The following ANAPC4 variants were observed in gnomAD, a reference collection of about 807,000 sequenced individuals.
ANAPC4 encodes anaphase promoting complex subunit 4.
A neutral mutation model predicts 119.8 loss-of-function variants in ANAPC4; 63 were observed. The ratio of observed to expected loss-of-function variants is 0.53; its 90% CI spans 0.43 to 0.65. The LOEUF (loss-of-function observed/expected upper bound fraction) is 0.65, where lower values mean the gene tolerates loss of function less well. Ranked by LOEUF, ANAPC4 falls within the 30% of genes least tolerant of loss-of-function variation. ANAPC4 has a pLI of 0.00. For missense variants in ANAPC4, 716 were observed against 945.1 expected (o/e 0.76, Z 3.18); for synonymous variants, 283 against 318.6 (o/e 0.89, Z 1.19).
In ANAPC4 at chr4:25,417,710, G is replaced by A; in HGVS notation, c.2170G>A (p.Gly724Arg). The change falls in exon 28 of 29, where the codon GGG becomes AGG. Residue 724 changes from glycine to arginine, a missense_variant. Coordinates refer to ENST00000315368, the MANE Select transcript of ANAPC4 (RefSeq NM_013367.3). Reference sequence around the variant, plus strand: ...AAGTATGAAAGCACAGTATGTTGCTGGGAATGGTTTTCGAAAAGTGTCCTG... The same window carrying A: ...AAGTATGAAAGCACAGTATGTTGCTAGGAATGGTTTTCGAAAAGTGTCCTG... ...LESMKAQYVAGNGFRKVSCVL... is the reference protein window; with the variant it reads ...LESMKAQYVARNGFRKVSCVL... The A allele has an allele frequency of 6.2e-7, 1 of 1,612,586 alleles. No homozygotes were observed. Among genetic ancestry groups the A allele is most frequent in the Non-Finnish European group, 8.5e-7 (1 of 1,179,550 alleles).
At chr4:25,412,480 G>C (rs553182501) in intron 21 of ANAPC4, among the ~76,000 whole-genome samples, 1 of 152,164 alleles carries the variant, frequency 6.6e-6, no homozygotes, top group Admixed American at 6.5e-5. Flanking sequence ...TGCCAGCCAA[G>C]AGTTGCCTCA....
At chr4:25,387,687 T>TTG (rs1722114586) in intron 4 of ANAPC4, among the ~76,000 whole-genome samples, 1 of 151,940 alleles carries the variant, frequency 6.6e-6, no homozygotes, top group Non-Finnish European at 1.5e-5. Context: ...CACCACTTTT[T>TTG]TACTTGCTTA....
intron 26 of ANAPC4, chr4:25,416,055 T>C (rs1434724190): frequency 5.9e-6 from 1 of 169,180 alleles, no homozygotes; most frequent in African/African-American, 2.4e-5. Flanking sequence ...CTATTTTTCA[T>C]GTGTAGTATC....
At chr4:25,388,644 A>C in intron 5 of ANAPC4, 70 bp downstream of exon 5, 1 of 1,558,280 alleles carries the variant, frequency 6.4e-7, no homozygotes, top group Non-Finnish European at 8.8e-7. Context: ...ACACTGTGAC[A>C]ATTTTCTCAT....
rs1722167030 is a variant in ANAPC4 at position 25,388,584 on chromosome 4, A to C, written c.443+10A>C. 3.8e-6 allele frequency: 6 copies of C among 1,591,028 alleles called. No individual in the cohort carries two copies. Among genetic ancestry groups the C allele is most frequent in the South Asian group, 1.1e-5 (1 of 89,328 alleles). The stretch of plus-strand genomic sequence containing the variant: ...CTACACTGCCAAAAAAGTATGTATC[A>C]CTGGTTTCTTTGAAATTAATCTTGC... On this transcript the variant is annotated intron_variant, in intron 5 of 28. Coordinates refer to ENST00000315368, the MANE Select transcript of ANAPC4 (RefSeq NM_013367.3).
At chr4:25,386,038 A>G (rs11937932) in intron 4 of ANAPC4, among the ~76,000 whole-genome samples, 65,735 of 151,684 alleles carry the variant, frequency 0.43, 15,822 homozygotes, top group Non-Finnish European at 0.53. Flanking sequence ...CTTAGCCTCG[A>G]GAGTAGCTGG....
intron 8 of ANAPC4, 141 bp from the exon 9 acceptor site, chr4:25,390,770 C>T: frequency 1.6e-6 from 1 of 620,650 alleles, no homozygotes; most frequent in Non-Finnish European, 2.8e-6. Flanking sequence ...CAGACACCTA[C>T]CTTCATCTGC....
At chr4:25,389,093 C>T (rs908815780) in intron 7 of ANAPC4, among the ~76,000 whole-genome samples, 4 of 151,772 alleles carry the variant, frequency 2.6e-5, no homozygotes, top group Non-Finnish European at 4.4e-5. Context: ...TGGGCACAAG[C>T]GATTCTCCTG....
rs1721655257 is a variant in ANAPC4 at position 25,380,496 on chromosome 4, A to C, written c.235+17A>C. 1 of 1,490,488 alleles carries C rather than the reference A, an allele frequency of 6.7e-7. No homozygotes were observed. Among genetic ancestry groups the C allele is most frequent in the South Asian group, 1.2e-5 (1 of 81,482 alleles). The allele number at this position is 1,490,488 out of a possible 1,614,324, so 92.3% of individuals were successfully genotyped here. On this transcript the variant is annotated intron_variant, in intron 3 of 28. Transcript: ENST00000315368. ...ATGGCAAACGTAATGATAATATTAC[A>C]AAAAAAATATGTTTTTATTTTCACA...
chr4:25,412,704 C>T (rs1723643661), intron 21 of ANAPC4, among the ~76,000 whole-genome samples: 1 of 151,476 alleles, frequency 6.6e-6, no homozygotes, highest in Admixed American at 6.6e-5. Flanking sequence ...TGAGCTGAGA[C>T]TGCACCACTG....
chr4:25,393,735 C>A, intron 10 of ANAPC4, 70 bp from the exon 11 acceptor site: 1 of 833,854 alleles, frequency 1.2e-6, no homozygotes. Flanking sequence ...TGATCATAAG[C>A]ACATATTATT....
intron 4 of ANAPC4, 123 bp from the exon 5 acceptor site, chr4:25,388,377 G>A: frequency 3.0e-6 from 2 of 662,954 alleles, no homozygotes; most frequent in Non-Finnish European, 5.3e-6. Flanking sequence ...TATAGTATTT[G>A]TGTCATCTAT....
chr4:25,414,238 C>T lies in ANAPC4; in HGVS notation c.1624-86C>T, dbSNP rs973973508. On this transcript the variant is annotated intron_variant, in intron 22 of 28. Transcript: ENST00000315368. ...ATGTAGGCGATTTTTTTACCACATT[C>T]GAACAGTGATGGTCAGTCACTTTCT... 17 of 950,874 alleles carry T rather than the reference C, an allele frequency of 1.8e-5. No homozygotes were observed. The Admixed American group carries it at 2.3e-4, about 13-fold the overall frequency. 58.9% of individuals were successfully genotyped at this position (950,874 alleles called of 1,614,324 possible). A position where few individuals can be genotyped will look rare whatever the true frequency, so the allele number is the denominator to read the frequency against.
At chr4:25,407,101 C>A in intron 19 of ANAPC4, 96 bp from the exon 20 acceptor site, 2 of 1,079,544 alleles carry the variant, frequency 1.9e-6, no homozygotes, top group Non-Finnish European at 2.7e-6. Flanking sequence ...AACTGCCACT[C>A]ACAGCTCTCT....
At position 25,404,007 on chromosome 4, in the gene ANAPC4, A is replaced by C. The variant is rs867634785; in HGVS notation, c.1270+981A>C. On this transcript the variant is annotated intron_variant, in intron 17 of 28. Coordinates refer to ENST00000315368, the MANE Select transcript of ANAPC4 (RefSeq NM_013367.3). ...ATATCCTTAAAATAATCCAGCATCT[A>C]TTTCCCTCCAACAAATGCAAAATTT... is the stretch of plus-strand genomic sequence containing the variant. 3.9e-5 allele frequency among the ~76,000 whole-genome samples: 6 copies of C among 152,304 alleles called. 2 individuals carry two copies. The highest frequency in any genetic ancestry group is 6.8e-3 in the Middle Eastern group (2 of 294).
intron 7 of ANAPC4, 29 bp downstream of exon 7, chr4:25,388,911 T>C: frequency 6.6e-7 from 1 of 1,525,492 alleles, no homozygotes; most frequent in Non-Finnish European, 8.9e-7. Context: ...TAAGTCTAAT[T>C]TCTTAAAGTT....
chr4:25,385,311 G>A lies in ANAPC4; in HGVS notation c.368+1918G>A, dbSNP rs1721972585. ...TATATATATCTCTATATGTATATATGTTTTAATAAATAAATAGAAAATCCT... is the reference window on the plus strand; with the variant it reads ...TATATATATCTCTATATGTATATATATTTTAATAAATAAATAGAAAATCCT... On this transcript the variant is annotated intron_variant, in intron 4 of 28. Transcript: ENST00000315368. Among the ~76,000 whole-genome samples the A allele has an allele frequency of 2.0e-5, 3 of 152,162 alleles. No individual in the cohort carries two copies. In the South Asian group the frequency reaches 6.2e-4, roughly 31 times the overall value.
rs1179849019 is a variant in ANAPC4 at position 25,409,622 on chromosome 4, G to A, written c.1432-76G>A. ...GATTTACTAAACTTAACTTTTTTTTGTCTTTTACTTTTTTTCTTTTTCCAT... is the reference window on the plus strand; with the variant it reads ...GATTTACTAAACTTAACTTTTTTTTATCTTTTACTTTTTTTCTTTTTCCAT... On this transcript the variant is annotated intron_variant, in intron 20 of 28. Transcript: ENST00000315368. 2.7e-5 allele frequency: 31 copies of A among 1,128,378 alleles called. No individual in the cohort carries two copies. The South Asian group carries it at 4.4e-4, about 16-fold the overall frequency. The allele number at this position is 1,128,378 out of a possible 1,614,324, so 69.9% of individuals were successfully genotyped here. A position where few individuals can be genotyped will look rare whatever the true frequency, so the allele number is the denominator to read the frequency against.
intron 27 of ANAPC4, 54 bp from the exon 28 acceptor site, chr4:25,417,562 T>G (rs547311368): frequency 6.6e-7 from 1 of 1,515,206 alleles, no homozygotes; most frequent in African/African-American, 1.4e-5. Context: ...GTAGTAAAAC[T>G]AGGGAGGATA....
Sources: allele counts gnomAD v4.1 joint callset (sites outside exome capture counted in the v4.1 genomes callset), GRCh38; gene constraint gnomAD v4.1.1; transcripts MANE v1.5; gene names NCBI Gene and HGNC (gene_info 2026-07-23, HGNC 2026-07-21).